Variants in SYCP2L observed in about 807,000 individuals in gnomAD.
The protein encoded by SYCP2L is synaptonemal complex protein 2-like.
In SYCP2L, 98 loss-of-function variants were observed where a neutral mutation model predicts 125.8. The ratio of observed to expected loss-of-function variants is 0.78; its 90% CI spans 0.66 to 0.92. The LOEUF (loss-of-function observed/expected upper bound fraction) is 0.92. Ranked by LOEUF, SYCP2L falls within the 40% of genes least tolerant of loss-of-function variation. SYCP2L has a pLI of 0.00. For synonymous variants in SYCP2L, 317 were observed against 325.4 expected (o/e 0.97, Z 0.28); for missense variants, 842 against 936.4 (o/e 0.90, Z 1.32).
chr6:10,894,755 T>C (rs1350668343), intron 4 of SYCP2L, among the ~76,000 whole-genome samples: 1 of 152,212 alleles, frequency 6.6e-6, no homozygotes, highest in African/African-American at 2.4e-5. Context: ...TAACGGCATC[T>C]GGAAGTAAAG....
chr6:10,896,161 C>G (rs1365529518), intron 4 of SYCP2L, among the ~76,000 whole-genome samples: 1 of 152,056 alleles, frequency 6.6e-6, no homozygotes, highest in African/African-American at 2.4e-5. Flanking sequence ...CAAAACAAGC[C>G]CTACAGAAAG....
chr6:10,897,003 A>G (rs1454984321), intron 4 of SYCP2L, among the ~76,000 whole-genome samples: 3 of 152,164 alleles, frequency 2.0e-5, no homozygotes, highest in Non-Finnish European at 4.4e-5. Context: ...TGTCATGTTC[A>G]GCTGATAATT....
intron 23 of SYCP2L, among the ~76,000 whole-genome samples, chr6:10,948,852 A>G (rs1031217614): frequency 2.0e-5 from 3 of 152,134 alleles, no homozygotes; most frequent in African/African-American, 4.8e-5. Flanking sequence ...TATTATTTCA[A>G]TTTCCTTAAT....
intron 21 of SYCP2L, among the ~76,000 whole-genome samples, chr6:10,938,569 A>G (rs1228358204): frequency 6.6e-6 from 1 of 152,224 alleles, no homozygotes; most frequent in Non-Finnish European, 1.5e-5. Flanking sequence ...CTATCCAGGC[A>G]AGAAAAAGAA....
At chr6:10,964,264 T>C (rs1014970482) in intron 29 of SYCP2L, among the ~76,000 whole-genome samples, 4 of 152,126 alleles carry the variant, frequency 2.6e-5, no homozygotes, top group African/African-American at 9.7e-5. Flanking sequence ...GCAGAGCTTC[T>C]CCTTTATAGC....
At chr6:10,910,958 A>G (rs1231916367) in intron 12 of SYCP2L, 89 bp downstream of exon 12, 24 of 1,421,574 alleles carry the variant, frequency 1.7e-5, no homozygotes, top group Non-Finnish European at 2.2e-5. Context: ...TTTTGCTCTC[A>G]TAACTCAAAA....
chr6:10,906,712 C>T (rs13203481), intron 9 of SYCP2L, among the ~76,000 whole-genome samples: 25,139 of 151,670 alleles, frequency 0.17, 2,233 homozygotes, highest in African/African-American at 0.19. Flanking sequence ...ACTCTCCTGC[C>T]TCAGCCTCCC....
At chr6:10,914,791 G>A (rs1482544698) in intron 14 of SYCP2L, among the ~76,000 whole-genome samples, 1 of 143,220 alleles carries the variant, frequency 7.0e-6, no homozygotes, top group East Asian at 2.1e-4. Flanking sequence ...CACCCAGGCT[G>A]GAGTGAGTAC....
chr6:10,966,230 C>T (rs1781674443), intron 29 of SYCP2L, among the ~76,000 whole-genome samples: 1 of 152,060 alleles, frequency 6.6e-6, no homozygotes, highest in African/African-American at 2.4e-5. Context: ...AGATTTATTC[C>T]AGGAATGCAA....
chr6:10,942,649 G>A (rs369623356), intron 22 of SYCP2L, 28 bp from the exon 23 acceptor site: 53 of 1,611,814 alleles, frequency 3.3e-5, no homozygotes, highest in East Asian at 2.7e-4. Flanking sequence ...CATAAAGGAC[G>A]TAATTTGTGG....
At chr6:10,956,283 T>C in intron 25 of SYCP2L, 41 bp downstream of exon 25, 1 of 1,362,578 alleles carries the variant, frequency 7.3e-7, no homozygotes, top group Non-Finnish European at 1.0e-6. Flanking sequence ...GCGTTATGAA[T>C]CTGGAGGACA....
chr6:10,946,702 C>A (rs1781319548), intron 23 of SYCP2L, among the ~76,000 whole-genome samples: 1 of 151,904 alleles, frequency 6.6e-6, no homozygotes, highest in Non-Finnish European at 1.5e-5. Flanking sequence ...GTCAATCTAC[C>A]AGTCATTCTT....
At chr6:10,910,120 A>G (rs1306430486) in intron 10 of SYCP2L, 28 bp from the exon 11 acceptor site, 4 of 1,600,406 alleles carry the variant, frequency 2.5e-6, no homozygotes, top group African/African-American at 1.3e-5. Context: ...TTTTTTTTTA[A>G]TAAAAGTTTA....
chr6:10,960,002 G>T (rs769925078), intron 26 of SYCP2L, among the ~76,000 whole-genome samples: 3 of 152,316 alleles, frequency 2.0e-5, no homozygotes, highest in Non-Finnish European at 4.4e-5. Context: ...GGATTTCAGA[G>T]GGATGAGGAA....
chr6:10,903,551 AAAT>A (rs1343816544), intron 8 of SYCP2L, among the ~76,000 whole-genome samples: 2 of 151,972 alleles, frequency 1.3e-5, no homozygotes, highest in Admixed American at 6.6e-5. Flanking sequence ...CTCTGTCTTA[AAAT>A]AATAATAATA....
chr6:10,953,182 T>C (rs1781441963), intron 23 of SYCP2L, among the ~76,000 whole-genome samples: 2 of 152,190 alleles, frequency 1.3e-5, no homozygotes, highest in South Asian at 4.1e-4. Context: ...TCCTTTTTCT[T>C]TCTCAATTGG....
intron 18 of SYCP2L, chr6:10,930,083 A>G (rs73723613): frequency 0.023 from 5,111 of 222,118 alleles, 251 homozygotes; most frequent in African/African-American, 0.11. Flanking sequence ...ATTAGGCACA[A>G]TATTGAGATT....
In SYCP2L at chr6:10,926,416, C is replaced by T. The variant is rs759290084; in HGVS notation, c.1296C>T (p.Gly432=). 1.9e-6 allele frequency: 3 copies of T among 1,612,610 alleles called. No homozygotes were observed. Among genetic ancestry groups the T allele is most frequent in the Non-Finnish European group, 2.5e-6 (3 of 1,179,080 alleles). The change falls in exon 16 of 30, where the codon GGC becomes GGT. Residue 432 remains glycine (G), a synonymous_variant. Transcript: ENST00000283141. ...SDKEDRESPS[G]LERETEQAEE... ...AAGAAGACAGGGAGAGTCCCAGTGG[C>T]CTTGAAAGAGAAACAGGTATATTGG... is the stretch of plus-strand genomic sequence containing the variant.
intron 1 of SYCP2L, 69 bp from the exon 2 acceptor site, chr6:10,891,435 TTTTGCTTTG>T: frequency 1.2e-5 from 10 of 860,536 alleles, no homozygotes; most frequent in South Asian, 3.8e-5. Flanking sequence ...TTTTTTTTTT[TTTTGCTTTG>T]TGTTTAAAAC....
Sources: gnomAD v4.1 joint callset for allele counts (sites outside exome capture counted in the v4.1 genomes callset) on GRCh38, gnomAD v4.1.1 for gene constraint, MANE v1.5 for transcripts, NCBI Gene and HGNC (gene_info 2026-07-23, HGNC 2026-07-21) for gene names.